The following AGL variants were observed in gnomAD, a reference collection of about 807,000 sequenced individuals.
AGL encodes the protein glycogen debranching enzyme.
AGL carries 128 observed loss-of-function variants against 199.3 expected under a neutral mutation model. The observed-to-expected ratio is 0.64, with a 90% confidence interval of 0.56 to 0.74. The LOEUF (loss-of-function observed/expected upper bound fraction) is 0.74, where lower values mean the gene tolerates loss of function less well. AGL is among the 30% of genes least tolerant of loss of function. The pLI is 0.00. For missense variants in AGL, 1,809 were observed against 1,820.8 expected (o/e 0.99, Z 0.12); for synonymous variants, 584 against 594.7 (o/e 0.98, Z 0.26).
chr1:99,856,935 G>C (rs547678906), intron 2 of AGL, among the ~76,000 whole-genome samples: 2 of 152,200 alleles, frequency 1.3e-5, no homozygotes, highest in African/African-American at 2.4e-5. Context: ...ATCATGGCCC[G>C]TTCTCAATGA....
intron 30 of AGL, among the ~76,000 whole-genome samples, chr1:99,914,649 A>T (rs1440363554): frequency 6.6e-6 from 1 of 152,198 alleles, no homozygotes; most frequent in African/African-American, 2.4e-5. Context: ...CTTTCTCTGT[A>T]TCTCTGATAA....
At chr1:99,907,025 T>G (rs1248144690) in intron 27 of AGL, among the ~76,000 whole-genome samples, 2 of 152,174 alleles carry the variant, frequency 1.3e-5, no homozygotes, top group East Asian at 3.8e-4. Flanking sequence ...ACACCTGGTA[T>G]TTTCTGTTCT....
At chr1:99,892,338 A>G (rs1652959951) in intron 23 of AGL, 94 bp from the exon 24 acceptor site, 1 of 1,140,700 alleles carries the variant, frequency 8.8e-7, no homozygotes, top group South Asian at 1.3e-5. Flanking sequence ...ATAGATTTGT[A>G]TAGAAAAATC....
Position 99,923,609 on chromosome 1 carries a change from A to G in AGL, c.*1958A>G, listed in dbSNP as rs1219343373. ...AGAACATTGTTATATTCTGCGTGGT[A>G]TATTTTAAAGTTTAAGAAGGCATGT... On this transcript the variant is annotated 3_prime_UTR_variant, in exon 34 of 34. Transcript: ENST00000361915. The G allele has an allele frequency of 6.6e-6, 1 of 152,214 alleles. No homozygotes were observed. Among genetic ancestry groups the G allele is most frequent in the Non-Finnish European group, 1.5e-5 (1 of 68,034 alleles). 9.4% of individuals were successfully genotyped at this position (152,214 alleles called of 1,614,324 possible).
upstream of AGL, chr1:99,850,050 C>A (rs1648815989): frequency 6.6e-6 from 1 of 152,356 alleles, no homozygotes; most frequent in African/African-American, 2.4e-5. Context: ...CACGCTCTCG[C>A]GAGACTAGCG....
chr1:99,917,977 T>G (rs976034205), intron 33 of AGL, among the ~76,000 whole-genome samples: 1 of 152,182 alleles, frequency 6.6e-6, no homozygotes, highest in Non-Finnish European at 1.5e-5. Context: ...ATAGTTGCCA[T>G]TTTCAGTGCT....
At chr1:99,885,670 G>A (rs1421756171) in intron 20 of AGL, among the ~76,000 whole-genome samples, 2 of 152,112 alleles carry the variant, frequency 1.3e-5, no homozygotes, top group African/African-American at 4.8e-5. Context: ...CTGTCCCTGC[G>A]AGGGATTTAG....
chr1:99,906,461 G>A (rs1654301759), intron 27 of AGL, among the ~76,000 whole-genome samples: 1 of 151,986 alleles, frequency 6.6e-6, no homozygotes, highest in Admixed American at 6.6e-5. Context: ...TAACATTGTT[G>A]TGGAACAGAT....
chr1:99,913,811 G>T, intron 30 of AGL, 73 bp downstream of exon 30: 2 of 1,426,136 alleles, frequency 1.4e-6, no homozygotes, highest in Non-Finnish European at 2.0e-6. Context: ...ATTCCCATTT[G>T]TTTTCAAATT....
intron 5 of AGL, among the ~76,000 whole-genome samples, chr1:99,866,480 C>G (rs1266871127): frequency 6.6e-6 from 1 of 152,180 alleles, no homozygotes; most frequent in Non-Finnish European, 1.5e-5. Context: ...AAAGGGCAGG[C>G]ATGTCTTTTT....
chr1:99,896,430 G>T, intron 25 of AGL, 42 bp downstream of exon 25: 1 of 1,426,980 alleles, frequency 7.0e-7, no homozygotes, highest in Non-Finnish European at 9.9e-7. Flanking sequence ...GTTTATGTCT[G>T]AATGTCTTTT....
intron 2 of AGL, among the ~76,000 whole-genome samples, chr1:99,855,733 A>C (rs1427940316): frequency 1.3e-5 from 2 of 151,880 alleles, no homozygotes; most frequent in East Asian, 3.9e-4. Context: ...CCCAGGAGGC[A>C]GAGGTTGCAG....
At position 99,921,682 on chromosome 1, in the gene AGL, TG is replaced by T; in HGVS notation, c.*32del. 1 of 1,490,338 alleles carries T rather than the reference TG, an allele frequency of 6.7e-7. No homozygotes were observed. The highest frequency in any genetic ancestry group is 9.4e-7 in the Non-Finnish European group (1 of 1,069,322). The allele number at this position is 1,490,338 out of a possible 1,614,324, so 92.3% of individuals were successfully genotyped here. ...TACAGATATTAAGTATGCAATTACT[TG>T]TATTATAGGATGCAAGGTCATCATA... On this transcript the variant is annotated 3_prime_UTR_variant, in exon 34 of 34. Coordinates refer to ENST00000361915, the MANE Select transcript of AGL (RefSeq NM_000642.3).
chr1:99,914,682 A>C (rs1411962164), intron 30 of AGL, among the ~76,000 whole-genome samples: 1 of 152,154 alleles, frequency 6.6e-6, no homozygotes, highest in Non-Finnish European at 1.5e-5. Flanking sequence ...TATTGGAGTA[A>C]AAGTTCTGTG....
intron 27 of AGL, among the ~76,000 whole-genome samples, chr1:99,908,486 A>C (rs111370487): frequency 6.6e-6 from 1 of 152,252 alleles, no homozygotes; most frequent in Admixed American, 6.5e-5. Flanking sequence ...TGTTTTGGCT[A>C]TTCAAGGTCC....
chr1:99,914,988 G>A (rs2100866248), intron 30 of AGL, among the ~76,000 whole-genome samples: 1 of 152,284 alleles, frequency 6.6e-6, no homozygotes, highest in East Asian at 1.9e-4. Context: ...GCTAAGGCAG[G>A]ATGATCGCTT....
intron 25 of AGL, among the ~76,000 whole-genome samples, chr1:99,898,839 T>G (rs1368776194): frequency 6.6e-6 from 1 of 152,142 alleles, no homozygotes; most frequent in Non-Finnish European, 1.5e-5. Flanking sequence ...GAAATTCGTT[T>G]TAGTGGACAT....
chr1:99,900,990 A>G lies in AGL; in HGVS notation c.3588+129A>G. 1.5e-5 allele frequency: 13 copies of G among 864,278 alleles called. No individual in the cohort carries two copies. In the South Asian group the frequency reaches 2.1e-4, roughly 14 times the overall value. 53.5% of individuals were successfully genotyped at this position (864,278 alleles called of 1,614,324 possible). ...ACGAATTATTCAAATGTCAGTATTGATTTGGCACCTGCTGGTACTATAAGT... is the reference window on the plus strand; with the variant it reads ...ACGAATTATTCAAATGTCAGTATTGGTTTGGCACCTGCTGGTACTATAAGT... On this transcript the variant is annotated intron_variant, in intron 26 of 33. Transcript: ENST00000361915.
intron 21 of AGL, among the ~76,000 whole-genome samples, chr1:99,890,851 G>A (rs111637489): frequency 9.3e-4 from 142 of 152,152 alleles, no homozygotes; most frequent in Non-Finnish European, 1.6e-3. Flanking sequence ...AAAAAATACA[G>A]GCTTATTACT....
Sources: gnomAD v4.1 joint callset for allele counts (sites outside exome capture counted in the v4.1 genomes callset) on GRCh38, gnomAD v4.1.1 for gene constraint, MANE v1.5 for transcripts, NCBI Gene and HGNC (gene_info 2026-07-23, HGNC 2026-07-21) for gene names.